PCDHA3: variants seen among roughly 807,000 people sequenced by gnomAD.
The protein encoded by PCDHA3 is protocadherin alpha 3, also known as protocadherin alpha-3.
A neutral mutation model predicts 62.2 loss-of-function variants in PCDHA3; 41 were observed. That is an observed-to-expected ratio of 0.66 (90% CI 0.51 to 0.86). The LOEUF is 0.86. Among genes scored for constraint, PCDHA3 ranks in the 40% least tolerant of loss-of-function variants. The pLI is 0.00. For missense variants in PCDHA3, 1,304 were observed against 1,241.2 expected (o/e 1.05, Z -0.76); for synonymous variants, 640 against 555.4 (o/e 1.15, Z -2.14).
At chr5:140,829,760 G>A (rs2150174077) in intron 1 of PCDHA3, 1 of 1,613,780 alleles carries the variant, frequency 6.2e-7, no homozygotes, top group Admixed American at 1.7e-5. Flanking sequence ...GTTCGTGCTG[G>A]ACGAGAACGA....
In PCDHA3 at chr5:140,802,907, G is replaced by A. The variant is rs1429009180; in HGVS notation, c.1710G>A (p.Val570=). 6.2e-7 allele frequency: 1 copy of A among 1,613,648 alleles called. No homozygotes were observed. The highest frequency in any genetic ancestry group is 1.3e-5 in the African/African-American group (1 of 74,952). Residue 570 remains valine, a synonymous_variant, in exon 1 of 4, where the codon GTG becomes GTA. Coordinates refer to ENST00000522353, the MANE Select transcript of PCDHA3 (RefSeq NM_018906.3). ...CGCCGGCACTGCTGATGCCTCGGGT[G>A]GGTGGCATCGGTGGCGCAGTGAGCG... ...DNAPALLMPR[V]GGIGGAVSEL...
At chr5:140,863,590 A>G (rs1182896433) in intron 1 of PCDHA3, 1 of 358,846 alleles carries the variant, frequency 2.8e-6, no homozygotes, top group African/African-American at 2.1e-5. Flanking sequence ...CCTGGAAAGT[A>G]TTTCATTCCT....
chr5:140,900,420 GGC>G lies in PCDHA3; in HGVS notation c.2395-78528_2395-78527del, dbSNP rs1554189140. ...AGCCTCCCAAGTAGCTGGGATTATA[GGC>G]ACGTGCCACCACGGCCGGCTAATTT... On this transcript the variant is annotated intron_variant, in intron 1 of 3. Transcript: ENST00000522353. Among the ~76,000 whole-genome samples the G allele has an allele frequency of 7.9e-5, 12 of 152,256 alleles. No individual in the cohort carries two copies. The East Asian group carries it at 2.3e-3, about 30-fold the overall frequency.
intron 1 of PCDHA3, chr5:140,812,673 G>A (rs1219098987): frequency 1.3e-5 from 2 of 152,072 alleles, no homozygotes; most frequent in African/African-American, 2.4e-5. Context: ...ATGTACAGAG[G>A]CACGATCATA....
chr5:140,832,284 T>C (rs1771894843), intron 1 of PCDHA3, among the ~76,000 whole-genome samples: 1 of 152,202 alleles, frequency 6.6e-6, no homozygotes, highest in Non-Finnish European at 1.5e-5. Context: ...TAAGCATGAA[T>C]GGTGTATTTG....
At chr5:140,805,527 A>C in intron 1 of PCDHA3, 18 of 986,826 alleles carry the variant, frequency 1.8e-5, no homozygotes, top group Non-Finnish European at 2.2e-5. Flanking sequence ...TTAGACAAAC[A>C]GGATGAAAAT....
intron 1 of PCDHA3, among the ~76,000 whole-genome samples, chr5:140,958,658 A>T (rs1207660771): frequency 6.6e-6 from 1 of 152,174 alleles, no homozygotes; most frequent in African/African-American, 2.4e-5. Flanking sequence ...GAAAGCTATG[A>T]TGAAATTTTA....
intron 1 of PCDHA3, chr5:140,830,370 C>G: frequency 2.5e-6 from 4 of 1,614,132 alleles, no homozygotes; most frequent in Non-Finnish European, 3.4e-6. Context: ...AGGGTGTGCT[C>G]CGGGGAGGGC....
chr5:140,843,708 G>T (rs2150365442), intron 1 of PCDHA3: 8 of 1,577,200 alleles, frequency 5.1e-6, no homozygotes, highest in African/African-American at 1.3e-5. Context: ...GTTGATCATG[G>T]CCTCAAAGTA....
intron 1 of PCDHA3, chr5:140,809,244 C>T (rs1554125101): frequency 9.9e-6 from 16 of 1,614,096 alleles, no homozygotes; most frequent in Non-Finnish European, 1.4e-5. Context: ...TTGGTGGGCG[C>T]TGTGGGTCCC....
In PCDHA3 at chr5:140,927,516, C is replaced by T. The variant is rs782661477; in HGVS notation, c.2395-51433C>T. 3.1e-6 allele frequency: 5 copies of T among 1,613,948 alleles called. No homozygotes were observed. The South Asian group carries it at 4.4e-5, about 14-fold the overall frequency. Reference sequence around the variant, plus strand: ...TGCTGGTGCTTACAGCTCGGGACGGCGGGCTACCTGCCCGCTCAGGAGACG... The same window carrying T: ...TGCTGGTGCTTACAGCTCGGGACGGTGGGCTACCTGCCCGCTCAGGAGACG... On this transcript the variant is annotated intron_variant, in intron 1 of 3. Transcript: ENST00000522353.
At chr5:140,803,702 T>C (rs782283652) in intron 1 of PCDHA3, 111 bp downstream of exon 1, 3 of 1,530,804 alleles carry the variant, frequency 2.0e-6, no homozygotes, top group South Asian at 1.3e-5. Context: ...TGATTCATAA[T>C]TAGACTTTTC....
In PCDHA3 at chr5:140,836,909, CTTTTG is replaced by C. The variant is rs2150271100; in HGVS notation, c.2394+33324_2394+33328del. On this transcript the variant is annotated intron_variant, in intron 1 of 3. Coordinates refer to ENST00000522353, the MANE Select transcript of PCDHA3 (RefSeq NM_018906.3). ...TATTTGGAAGTACGTTTAATATACACTTTTGTTTTGGGATGCGTAATACTATAGAT... is the reference window on the plus strand; with the variant it reads ...TATTTGGAAGTACGTTTAATATACACTTTTGGGATGCGTAATACTATAGAT... 186 of 579,744 alleles carry C rather than the reference CTTTTG, an allele frequency of 3.2e-4. 4 individuals carry two copies. The highest frequency in any genetic ancestry group is 1.5e-3 in the South Asian group (53 of 34,270). 35.9% of individuals were successfully genotyped at this position (579,744 alleles called of 1,614,324 possible).
chr5:140,823,891 G>T, intron 1 of PCDHA3: 5 of 1,613,962 alleles, frequency 3.1e-6, no homozygotes, highest in Non-Finnish European at 4.2e-6. Context: ...CATCTGTGCG[G>T]TGTCCAGCCT....
chr5:140,884,449 C>T, intron 1 of PCDHA3: 1 of 1,613,826 alleles, frequency 6.2e-7, no homozygotes, highest in Non-Finnish European at 8.5e-7. Context: ...CGGCACCGCC[C>T]ACCGAGGGCG....
At chr5:140,982,434 T>A in intron 2 of PCDHA3, 41 bp from the exon 3 acceptor site, 1 of 1,613,270 alleles carries the variant, frequency 6.2e-7, no homozygotes, top group Non-Finnish European at 8.5e-7. Flanking sequence ...TGGGAAAGAA[T>A]TTATGATCTA....
At chr5:140,967,123 C>T in intron 1 of PCDHA3, 1 of 1,612,724 alleles carries the variant, frequency 6.2e-7, no homozygotes, top group Non-Finnish European at 8.5e-7. Context: ...GCTGCCTGCT[C>T]AGCTTGGAAG....
intron 1 of PCDHA3, among the ~76,000 whole-genome samples, chr5:140,897,323 T>TCCCTCCC (rs2065998893): frequency 1.7e-5 from 2 of 114,654 alleles, no homozygotes; most frequent in South Asian, 6.8e-4. Flanking sequence ...CCTAAAGCTA[T>TCCCTCCC]CCCTCCCCCC....
intron 1 of PCDHA3, chr5:140,853,313 T>G: frequency 1.0e-6 from 1 of 984,212 alleles, no homozygotes; most frequent in South Asian, 4.7e-5. Flanking sequence ...AACACCTTAG[T>G]AATAAATTTA....
Sources: allele counts gnomAD v4.1 joint callset (sites outside exome capture counted in the v4.1 genomes callset), GRCh38; gene constraint gnomAD v4.1.1; transcripts MANE v1.5; gene names NCBI Gene and HGNC (gene_info 2026-07-23, HGNC 2026-07-21).